BCORL1: variants seen among roughly 807,000 people sequenced by gnomAD.
The protein encoded by BCORL1 is BCL6 corepressor like 1.
A neutral mutation model predicts 87.6 loss-of-function variants in BCORL1; 7 were observed. The ratio of observed to expected loss-of-function variants is 0.08; its 90% CI spans 0.05 to 0.15. The LOEUF (loss-of-function observed/expected upper bound fraction) is 0.15. Among genes scored for constraint, BCORL1 ranks in the 10% least tolerant of loss-of-function variants. The pLI is 1.00. For missense variants in BCORL1, 1,215 were observed against 1,499.7 expected, an observed-to-expected ratio of 0.81 and a Z score of 3.13; for synonymous variants, 591 against 634.4, an observed-to-expected ratio of 0.93 and a Z score of 1.03.
chrX:130,023,402 A>C (rs1220049961), intron 6 of BCORL1, among the ~76,000 whole-genome samples: 1 of 111,574 alleles, frequency 9.0e-6, no homozygotes, highest in Non-Finnish European at 1.9e-5. Context: ...AAGTCATTGA[A>C]TCGTCAGGGC....
rs752016473 is a variant in BCORL1, at chrX:130,013,666, G to T, written c.894G>T (p.Ser298=). 8.3e-7 allele frequency: 1 copy of T among 1,208,661 alleles called. No individual in the cohort carries two copies. Among genetic ancestry groups the T allele is most frequent in the Admixed American group, 2.2e-5 (1 of 45,644 alleles). Residue 298 remains serine (S), a synonymous_variant, in exon 4 of 14, where the codon TCG becomes TCT. Transcript: ENST00000540052. ...SAPPSGPVPL[S]APAPAPLSVP... ...CCCCTTCAGGCCCGGTTCCCTTGTC[G>T]GCTCCAGCTCCTGCCCCGCTTTCAG...
At chrX:130,027,723 A>T (rs1266062918) in intron 7 of BCORL1, among the ~76,000 whole-genome samples, 1 of 111,019 alleles carries the variant, frequency 9.0e-6, no homozygotes, top group Non-Finnish European at 1.9e-5. Flanking sequence ...TTCTCATACC[A>T]CTCTTGTGAT....
chrX:130,048,980 T>C (rs146166487), intron 11 of BCORL1, among the ~76,000 whole-genome samples: 1 of 112,461 alleles, frequency 8.9e-6, no homozygotes, highest in East Asian at 2.8e-4. Context: ...GAATCTCCTC[T>C]TAAAGGCTGA....
chrX:130,023,929 T>A (rs1418467164), intron 6 of BCORL1, among the ~76,000 whole-genome samples: 1 of 112,644 alleles, frequency 8.9e-6, no homozygotes, highest in African/African-American at 3.2e-5. Flanking sequence ...TGTGACTAAC[T>A]TGAAGCTTTG....
chrX:129,982,297 T>A (rs1447980953), upstream of BCORL1, among the ~76,000 whole-genome samples: 1 of 111,472 alleles, frequency 9.0e-6, no homozygotes. Flanking sequence ...CAGCCACTGC[T>A]GCCTCCCTCT....
chrX:130,003,374 C>CTTCTT (rs59660230), intron 1 of BCORL1, among the ~76,000 whole-genome samples: 1,275 of 91,442 alleles, frequency 0.014, 27 homozygotes, highest in African/African-American at 0.05. Flanking sequence ...TCTTCTTCTT[C>CTTCTT]TTTTTTTTTT....
rs1200958897 is a variant in BCORL1, at chrX:130,015,434, C to A, written c.2662C>A (p.Gln888Lys). Residue 888 changes from glutamine to lysine, a missense_variant, in exon 4 of 14, where the codon CAA becomes AAA. Physicochemically the swap from Gln to Lys is moderately conservative, Grantham distance 53. Around this residue, in one of 5 missense-constraint regions of BCORL1, gnomAD observed 861 missense variants for 1,010.0 expected, o/e 0.85. Transcript: ENST00000540052. ...AGCCGTGCACGGACTTCCTGAGGGG[C>A]AACCACGGCCTGGGGGCTCCTTCGT... is the stretch of plus-strand genomic sequence containing the variant. ...SEAVHGLPEG[Q>K]PRPGGSFVPE... 17 of 1,211,029 alleles carry A rather than the reference C, an allele frequency of 1.4e-5. No homozygotes were observed. Among genetic ancestry groups the A allele is most frequent in the African/African-American group, 3.5e-5 (2 of 57,467 alleles).
intron 4 of BCORL1, among the ~76,000 whole-genome samples, 197 bp downstream of exon 4, chrX:130,016,410 G>C (rs760170009): frequency 8.9e-6 from 1 of 112,036 alleles, no homozygotes; most frequent in Non-Finnish European, 1.9e-5. Context: ...TCCATATACG[G>C]TGTCTCAGCA....
intron 11 of BCORL1, 90 bp downstream of exon 11, chrX:130,039,372 C>A: frequency 1.9e-6 from 2 of 1,063,819 alleles, no homozygotes; most frequent in East Asian, 3.0e-5. Context: ...CTCCTTCCAC[C>A]TTGAACAGCT....
chrX:130,001,555 G>A (rs1392977869), intron 1 of BCORL1, among the ~76,000 whole-genome samples: 1 of 111,508 alleles, frequency 9.0e-6, no homozygotes, highest in East Asian at 2.8e-4. Flanking sequence ...AACTCGGGCT[G>A]GGGCTAGGGG....
chrX:129,984,649 C>G (rs1175151866), intron 1 of BCORL1, among the ~76,000 whole-genome samples: 1 of 110,157 alleles, frequency 9.1e-6, no homozygotes, highest in Non-Finnish European at 1.9e-5. Context: ...AGGAGCCGGC[C>G]GCACCTCGGC....
At position 130,014,270 on chromosome X, in the gene BCORL1, C is replaced by T. The variant is rs1242884415; in HGVS notation, c.1498C>T (p.Arg500Cys). 9 of 1,208,853 alleles carry T rather than the reference C, an allele frequency of 7.4e-6. No individual in the cohort carries two copies. Among genetic ancestry groups the T allele is most frequent in the South Asian group, 3.5e-5 (2 of 56,723 alleles). The part of the protein sequence containing the change: ...LPGVLASPEL[R>C]SYPYAFSVAR... ...AGGCGTGCTAGCCTCCCCCGAGCTC[C>T]GTTCTTACCCGTATGCATTTTCTGT... The change falls in exon 4 of 14, where the codon CGT becomes TGT. Residue 500 changes from arginine (R) to cysteine (C), a missense_variant. Transcript: ENST00000540052.
chrX:130,021,159 C>G lies in BCORL1; in HGVS notation c.3607+9C>G. On this transcript the variant is annotated intron_variant, in intron 5 of 13. Transcript: ENST00000540052. Reference sequence around the variant, plus strand: ...CGACAGCCACGAGGAAGGTAGGCCCCGCGGCCCTGGCCCTCTGGGCTGGGC... The same window carrying G: ...CGACAGCCACGAGGAAGGTAGGCCCGGCGGCCCTGGCCCTCTGGGCTGGGC... 3 of 1,197,491 alleles carry G rather than the reference C, an allele frequency of 2.5e-6. No homozygotes were observed. The highest frequency in any genetic ancestry group is 3.4e-6 in the Non-Finnish European group (3 of 890,097).
chrX:129,999,365 G>C (rs1202944996), intron 1 of BCORL1, among the ~76,000 whole-genome samples: 1 of 90,930 alleles, frequency 1.1e-5, no homozygotes, highest in African/African-American at 4.4e-5. Flanking sequence ...CTGGAGTGCA[G>C]TGGCGCCATC....
intron 1 of BCORL1, among the ~76,000 whole-genome samples, chrX:129,991,476 T>G (rs1180172913): frequency 9.2e-6 from 1 of 108,348 alleles, no homozygotes. Flanking sequence ...CCTGAGTAGC[T>G]GGGACAGGCC....
At chrX:130,027,883 G>A (rs952048440) in intron 7 of BCORL1, among the ~76,000 whole-genome samples, 2 of 111,931 alleles carry the variant, frequency 1.8e-5, no homozygotes, top group Non-Finnish European at 3.8e-5. Flanking sequence ...CCTACACACG[G>A]GGTTAGGACA....
At chrX:130,007,130 C>T (rs1928571244) in intron 2 of BCORL1, among the ~76,000 whole-genome samples, 1 of 111,760 alleles carries the variant, frequency 8.9e-6, no homozygotes, top group Non-Finnish European at 1.9e-5. Context: ...TTCTTCTGTT[C>T]CTAACTGGAG....
At chrX:130,002,165 A>C (rs1928099661) in intron 1 of BCORL1, among the ~76,000 whole-genome samples, 1 of 110,029 alleles carries the variant, frequency 9.1e-6, no homozygotes, top group Non-Finnish European at 1.9e-5. Flanking sequence ...CTTACTGGGC[A>C]TAGGGGGTGG....
At chrX:130,033,976 G>A (rs934704128) in intron 8 of BCORL1, among the ~76,000 whole-genome samples, 2 of 109,621 alleles carry the variant, frequency 1.8e-5, no homozygotes, top group South Asian at 3.9e-4. Context: ...AGTGAGACTC[G>A]GTCTCAAAAA....
Sources: allele counts gnomAD v4.1 joint callset (sites outside exome capture counted in the v4.1 genomes callset), GRCh38; gene constraint gnomAD v4.1.1; regional missense constraint gnomAD v4.1.1; transcripts MANE v1.5; gene names NCBI Gene and HGNC (gene_info 2026-07-23, HGNC 2026-07-21).